TUBA3E: variants seen among roughly 807,000 people sequenced by gnomAD.
The protein encoded by TUBA3E is tubulin alpha 3e.
Under a neutral mutation model 36.7 loss-of-function variants are expected in TUBA3E, and 21 were observed. The ratio of observed to expected loss-of-function variants is 0.57; its 90% CI spans 0.41 to 0.83. The LOEUF is 0.83. Ranked by LOEUF, TUBA3E falls within the 40% of genes least tolerant of loss-of-function variation. The probability of loss-of-function intolerance (pLI) is 0.00; values close to 1 mark genes in which losing one functional copy is unlikely to be tolerated. For missense variants in TUBA3E, 469 were observed against 604.2 expected (o/e 0.78, Z 2.35); for synonymous variants, 177 against 241.9 (o/e 0.73, Z 2.49).
chr2:130,193,987 C>T lies in TUBA3E; in HGVS notation c.855G>A (p.Gln285=). 1 of 1,614,182 alleles carries T rather than the reference C, an allele frequency of 6.2e-7. No individual in the cohort carries two copies. Among genetic ancestry groups the T allele is most frequent in the Middle Eastern group, 1.6e-4 (1 of 6,062 alleles). The change falls in exon 4 of 5, where the codon CAG becomes CAA. Residue 285 remains glutamine (Q), a synonymous_variant. Transcript: ENST00000312988. ...VISAEKAYHE[Q]LSVAEITNAC... Reference sequence around the variant, plus strand: ...CATTGGTGATCTCGGCCACAGACAGCTGCTCGTGGTAGGCCTTCTCAGCTG... The same window carrying T: ...CATTGGTGATCTCGGCCACAGACAGTTGCTCGTGGTAGGCCTTCTCAGCTG...
intron 2 of TUBA3E, among the ~76,000 whole-genome samples, chr2:130,195,877 A>G (rs1173756908): frequency 6.6e-6 from 1 of 152,270 alleles, no homozygotes; most frequent in Non-Finnish European, 1.5e-5. Context: ...CCACCTGAGC[A>G]GGGCTGAGGC....
rs1368640891 is a variant in TUBA3E, at chr2:130,198,141, T to A, written c.3+217A>T. On this transcript the variant is annotated intron_variant, in intron 1 of 4. Coordinates refer to ENST00000312988, the MANE Select transcript of TUBA3E (RefSeq NM_207312.3). ...GATACCGTCAATGGTCCCCGTCCAC[T>A]AAAGGCCGGCAGCTTCATCTAAAAC... Among the ~76,000 whole-genome samples, 3 of 122,936 alleles carry A rather than the reference T, an allele frequency of 2.4e-5. 1 individual carries two copies. The highest frequency in any genetic ancestry group is 5.4e-5 in the Non-Finnish European group (3 of 55,848). The allele number at this position is 122,936 out of a possible 152,430, so 80.7% of individuals were successfully genotyped here.
intron 2 of TUBA3E, 38 bp from the exon 3 acceptor site, chr2:130,195,265 C>A (rs539147648): frequency 1.2e-6 from 2 of 1,603,768 alleles, no homozygotes; most frequent in East Asian, 4.5e-5. Context: ...ATTTTTAAGG[C>A]CTGTACTCAC....
chr2:130,195,253 G>A, intron 2 of TUBA3E, 26 bp from the exon 3 acceptor site: 2 of 1,611,632 alleles, frequency 1.2e-6, no homozygotes, highest in Non-Finnish European at 1.7e-6. Context: ...TGTGTACTGT[G>A]AATTTTTAAG....
At position 130,198,332 on chromosome 2, in the gene TUBA3E, C is replaced by A. The variant is rs191701179; in HGVS notation, c.3+26G>T. ...CCAACTTCGTCTGCCTGGGCATCTG[C>A]GGGGCGGGAGTGACCCGGGTCTTAC... On this transcript the variant is annotated intron_variant, in intron 1 of 4. Coordinates refer to ENST00000312988, the MANE Select transcript of TUBA3E (RefSeq NM_207312.3). 2,716 of 1,353,048 alleles carry A rather than the reference C, an allele frequency of 2.0e-3. 681 individuals are homozygous for A. The African/African-American group carries it at 0.034, about 17-fold the overall frequency. The allele number at this position is 1,353,048 out of a possible 1,614,324, so 83.8% of individuals were successfully genotyped here.
At position 130,192,103 on chromosome 2, in the gene TUBA3E, T is replaced by C. The variant is rs745413890; in HGVS notation, c.1081A>G (p.Thr361Ala). Residue 361 changes from threonine (T) to alanine (A), a missense_variant, in exon 5 of 5, where the codon ACA becomes GCA. Transcript: ENST00000312988. ...GCCAGGTCTCCCCCGGGGACCACTG[T>C]GGGGGGCTGGTAGTTAATGCCCACC... Reference protein sequence around the residue: ...FKVGINYQPPTVVPGGDLAKV... With the variant: ...FKVGINYQPPAVVPGGDLAKV... The C allele has an allele frequency of 6.2e-7, 1 of 1,601,426 alleles. No individual in the cohort carries two copies. The highest frequency in any genetic ancestry group is 8.5e-7 in the Non-Finnish European group (1 of 1,173,080).
At chr2:130,197,988 C>T (rs1465144823) in intron 1 of TUBA3E, among the ~76,000 whole-genome samples, 1 of 123,194 alleles carries the variant, frequency 8.1e-6, no homozygotes, top group Non-Finnish European at 1.8e-5. Flanking sequence ...TGTCCACAGC[C>T]CCAACCCCCG....
chr2:130,195,323 G>C (rs536921904), intron 2 of TUBA3E, 96 bp from the exon 3 acceptor site: 1 of 1,509,304 alleles, frequency 6.6e-7, no homozygotes, highest in East Asian at 2.3e-5. Context: ...AGCACATGCT[G>C]TTCAAAGTAC....
chr2:130,195,472 C>T (rs930764481), intron 2 of TUBA3E, among the ~76,000 whole-genome samples: 4 of 152,230 alleles, frequency 2.6e-5, no homozygotes, highest in African/African-American at 9.6e-5. Flanking sequence ...GACCAGTTCC[C>T]AGTGAAAGGA....
chr2:130,191,928 G>A lies in TUBA3E; in HGVS notation c.1256C>T (p.Ser419Phe). The A allele has an allele frequency of 3.1e-6, 5 of 1,614,058 alleles. No homozygotes were observed. Among genetic ancestry groups the A allele is most frequent in the Non-Finnish European group, 4.2e-6 (5 of 1,180,006 alleles). The part of the protein sequence containing the change: ...VGEGMEEGEF[S>F]EAREDLAALE... ...AGCTGCCAGGTCCTCGCGGGCCTCA[G>A]AGAACTCTCCCTCTTCCATGCCTTC... The change falls in exon 5 of 5, where the codon TCT becomes TTT. Residue 419 changes from serine to phenylalanine, a missense_variant. Physicochemically the swap from Ser to Phe is radical, Grantham distance 155. Coordinates refer to ENST00000312988, the MANE Select transcript of TUBA3E (RefSeq NM_207312.3).
chr2:130,192,381 C>T (rs887606812), intron 4 of TUBA3E, among the ~76,000 whole-genome samples: 2 of 152,184 alleles, frequency 1.3e-5, no homozygotes, highest in African/African-American at 4.8e-5. Flanking sequence ...GTACCTGTGA[C>T]ATGTGATAGG....
rs767848746 is a variant in TUBA3E at position 130,194,302 on chromosome 2, G to C, written c.540C>G (p.Ala180=). Residue 180 remains alanine (A), a synonymous_variant, in exon 4 of 5, where the codon GCC becomes GCG. Transcript: ENST00000312988. The part of the protein sequence containing the change: ...AIYPAPQVST[A]VVEPYNSILT... ...GGATGGAGTTGTAGGGCTCCACCAC[G>C]GCTGTGGAGACCTGGGGGGCTGGGT... The C allele has an allele frequency of 6.2e-7, 1 of 1,612,010 alleles. No homozygotes were observed. The highest frequency in any genetic ancestry group is 8.5e-7 in the Non-Finnish European group (1 of 1,179,422).
rs1316444627 is a variant in TUBA3E, at chr2:130,195,043, G to A, written c.375+36C>T. 3.1e-6 allele frequency: 5 copies of A among 1,609,348 alleles called. No homozygotes were observed. In the African/African-American group the frequency reaches 6.7e-5, roughly 22 times the overall value. ...ACATTCCAAGAACTACCCCTCCCAT[G>A]CAAGACAATGGCCACATGAAACCTT... On this transcript the variant is annotated intron_variant, in intron 3 of 4. Coordinates refer to ENST00000312988, the MANE Select transcript of TUBA3E (RefSeq NM_207312.3).
At position 130,196,463 on chromosome 2, in the gene TUBA3E, G is replaced by C. The variant is rs557916349; in HGVS notation, c.4-92C>G. The C allele has an allele frequency of 4.9e-3, 7,369 of 1,502,478 alleles. 54 individuals carry two copies. Among genetic ancestry groups the C allele is most frequent in the Admixed American group, 0.016 (765 of 47,818 alleles). The allele number at this position is 1,502,478 out of a possible 1,614,324, so 93.1% of individuals were successfully genotyped here. ...AATATTCTAATTTAATATTTATATAGTGCTTCAGTATCTGGCGCTTTCACA... is the reference window on the plus strand; with the variant it reads ...AATATTCTAATTTAATATTTATATACTGCTTCAGTATCTGGCGCTTTCACA... On this transcript the variant is annotated intron_variant, in intron 1 of 4. Coordinates refer to ENST00000312988, the MANE Select transcript of TUBA3E (RefSeq NM_207312.3).
rs747036236 is a variant in TUBA3E at position 130,192,109 on chromosome 2, G to A, written c.1075C>T (p.Pro359Ser). 1.1e-5 allele frequency: 18 copies of A among 1,597,794 alleles called. No homozygotes were observed. The South Asian group carries it at 1.8e-4, about 16-fold the overall frequency. ...TCTCCCCCGGGGACCACTGTGGGGG[G>A]CTGGTAGTTAATGCCCACCTGCCAG... The part of the protein sequence containing the change: ...TGFKVGINYQ[P>S]PTVVPGGDLA... The change falls in exon 5 of 5, where the codon CCC becomes TCC. Residue 359 changes from proline (P) to serine (S), a missense_variant. By Grantham distance (74) the Pro-to-Ser change is moderately conservative. This residue lies in a region of TUBA3E where 296 missense variants were observed against 346.9 expected (regional missense o/e 0.85). Transcript: ENST00000312988.
At chr2:130,197,331 T>G (rs141629830) in intron 1 of TUBA3E, among the ~76,000 whole-genome samples, 1 of 145,008 alleles carries the variant, frequency 6.9e-6, no homozygotes, top group Non-Finnish European at 1.5e-5. Context: ...TATGAAAAAT[T>G]TACAAATTAG....
rs1453273237 is a variant in TUBA3E at position 130,196,305 on chromosome 2, A to T, written c.70T>A (p.Tyr24Asn). 2.5e-6 allele frequency: 4 copies of T among 1,614,126 alleles called. No homozygotes were observed. The South Asian group carries it at 4.4e-5, about 18-fold the overall frequency. The change falls in exon 2 of 5, where the codon TAC becomes AAC. Residue 24 changes from tyrosine to asparagine, a missense_variant. This residue lies in a region of TUBA3E where 169 missense variants were observed against 239.0 expected (regional missense o/e 0.71). Transcript: ENST00000312988. ...VQIGNACWEL[Y>N]CLEHGIQPDG... is the part of the protein sequence containing the mutation. ...GGCTGAATTCCATGTTCAAGGCAGT[A>T]CAGTTCCCAGCAGGCATTGCCGATC...
intron 1 of TUBA3E, among the ~76,000 whole-genome samples, chr2:130,196,821 C>G (rs572006977): frequency 6.6e-6 from 1 of 152,166 alleles, no homozygotes; most frequent in African/African-American, 2.4e-5. Context: ...CCTCTCTCTG[C>G]CCCCCAGTTC....
intron 3 of TUBA3E, 50 bp downstream of exon 3, chr2:130,195,029 A>T (rs1690369212): frequency 6.2e-7 from 1 of 1,602,074 alleles, no homozygotes; most frequent in Admixed American, 1.7e-5. Context: ...CATTCCAAGA[A>T]CTACCCCTCC....
Sources: gnomAD v4.1 joint callset for allele counts (sites outside exome capture counted in the v4.1 genomes callset) on GRCh38, gnomAD v4.1.1 for gene constraint, gnomAD v4.1.1 regional missense constraint, MANE v1.5 for transcripts, NCBI Gene and HGNC (gene_info 2026-07-23, HGNC 2026-07-21) for gene names.